MAPK10: variants seen among roughly 807,000 people sequenced by gnomAD.
MAPK10 encodes the protein mitogen-activated protein kinase 10.
In MAPK10, 25 loss-of-function variants were observed where a neutral mutation model predicts 59.3. That is an observed-to-expected ratio of 0.42 (90% confidence interval 0.31 to 0.59). MAPK10 has a LOEUF of 0.59. MAPK10 is among the 20% of genes least tolerant of loss of function. The pLI is 0.15. For synonymous variants in MAPK10, 190 were observed against 200.5 expected (o/e 0.95, Z 0.44); for missense variants, 351 against 568.9 (o/e 0.62, Z 3.90).
chr4:86,285,544 G>C (rs1346407686), intron 2 of MAPK10, among the ~76,000 whole-genome samples: 3 of 152,038 alleles, frequency 2.0e-5, no homozygotes, highest in Non-Finnish European at 4.4e-5. Flanking sequence ...TGTCTTTCTA[G>C]TTCTTTACGT....
intron 4 of MAPK10, among the ~76,000 whole-genome samples, chr4:86,122,900 TTACTATAA>T (rs2059487562): frequency 6.6e-6 from 1 of 152,000 alleles, no homozygotes; most frequent in Admixed American, 6.6e-5. Context: ...TACCTAAGTT[TTACTATAA>T]ATTTGGTGTT....
chr4:86,484,261 T>A (rs1345815244), intron 1 of MAPK10, among the ~76,000 whole-genome samples: 1 of 152,214 alleles, frequency 6.6e-6, no homozygotes, highest in Non-Finnish European at 1.5e-5. Context: ...TTTATATAAT[T>A]CATTCTTATT....
intron 1 of MAPK10, among the ~76,000 whole-genome samples, chr4:86,375,589 C>T (rs1175169459): frequency 6.6e-6 from 1 of 151,560 alleles, no homozygotes; most frequent in East Asian, 1.9e-4. Context: ...GTGGCATGCA[C>T]CTGTGGTCCC....
intron 11 of MAPK10, among the ~76,000 whole-genome samples, chr4:86,045,190 C>T (rs2042269667): frequency 6.6e-6 from 1 of 151,152 alleles, no homozygotes; most frequent in Admixed American, 6.6e-5. Context: ...TATTTATTAG[C>T]TCTACACCAT....
At chr4:86,189,733 G>A (rs982531949) in intron 3 of MAPK10, among the ~76,000 whole-genome samples, 4 of 151,998 alleles carry the variant, frequency 2.6e-5, no homozygotes, top group Middle Eastern at 3.4e-3. Flanking sequence ...ATTTGAATAC[G>A]CTTTATTTCA....
chr4:86,085,271 C>A (rs10023731), intron 9 of MAPK10, among the ~76,000 whole-genome samples: 66,751 of 151,930 alleles, frequency 0.44, 15,313 homozygotes, highest in African/African-American at 0.55. Context: ...CTAAAAACTT[C>A]TGCACAGCAA....
chr4:86,384,329 T>C (rs147918703), intron 1 of MAPK10: 3 of 152,198 alleles, frequency 2.0e-5, no homozygotes, highest in African/African-American at 4.8e-5. Flanking sequence ...AGGGCAAAGA[T>C]AATAGCAAGT....
chr4:86,218,052 T>A (rs2088245818), intron 2 of MAPK10, among the ~76,000 whole-genome samples: 1 of 152,150 alleles, frequency 6.6e-6, no homozygotes, highest in African/African-American at 2.4e-5. Flanking sequence ...CAATGAATAA[T>A]TCTATAAATA....
intron 2 of MAPK10, among the ~76,000 whole-genome samples, chr4:86,230,457 A>T (rs1032357380): frequency 3.9e-5 from 6 of 152,230 alleles, no homozygotes; most frequent in African/African-American, 7.2e-5. Flanking sequence ...TAAAAATTTT[A>T]AAAATAGACT....
intron 1 of MAPK10, among the ~76,000 whole-genome samples, chr4:86,414,077 A>G (rs764131111): frequency 7.1e-6 from 1 of 139,934 alleles, no homozygotes; most frequent in Non-Finnish European, 1.6e-5. Flanking sequence ...TTATTTTCAA[A>G]TAATCCCTTT....
At chr4:86,374,489 A>G (rs1739460614) in intron 1 of MAPK10, among the ~76,000 whole-genome samples, 1 of 152,170 alleles carries the variant, frequency 6.6e-6, no homozygotes, top group African/African-American at 2.4e-5. Flanking sequence ...TCACTGTCCA[A>G]TCATTATTGT....
intron 7 of MAPK10, 138 bp from the exon 8 acceptor site, chr4:86,101,355 G>T (rs1035582243): frequency 5.5e-6 from 3 of 543,442 alleles, no homozygotes; most frequent in African/African-American, 1.9e-5. Flanking sequence ...TAAGGCAAAT[G>T]ATTACTGCTA....
intron 3 of MAPK10, among the ~76,000 whole-genome samples, chr4:86,167,565 T>C (rs750509170): frequency 6.6e-6 from 1 of 152,184 alleles, no homozygotes; most frequent in Non-Finnish European, 1.5e-5. Flanking sequence ...TGGTTCAACA[T>C]ATGCAATCAA....
chr4:86,165,534 TC>T (rs1381091599), intron 3 of MAPK10, among the ~76,000 whole-genome samples: 1 of 118,904 alleles, frequency 8.4e-6, no homozygotes, highest in Admixed American at 1.0e-4. Context: ...ATGCCACCAC[TC>T]CCAGATAATT....
intron 1 of MAPK10, among the ~76,000 whole-genome samples, chr4:86,493,004 A>C (rs1564945070): frequency 6.6e-6 from 1 of 152,238 alleles, no homozygotes; most frequent in Non-Finnish European, 1.5e-5. Context: ...CTAACTTAGT[A>C]GTATGCACCT....
chr4:86,186,396 A>G (rs17415651), intron 3 of MAPK10, among the ~76,000 whole-genome samples: 3,144 of 152,248 alleles, frequency 0.021, 60 homozygotes, highest in South Asian at 0.031. Context: ...AATCTTATTC[A>G]TTGCAGGCAA....
chr4:86,208,335 A>C (rs557570376), intron 2 of MAPK10, among the ~76,000 whole-genome samples: 2,809 of 144,060 alleles, frequency 0.019, 40 homozygotes, highest in African/African-American at 0.033. Flanking sequence ...ATGCAAAAAT[A>C]CTCAATAAAA....
chr4:86,540,350 A>G (rs913353611), intron 1 of MAPK10, among the ~76,000 whole-genome samples: 2 of 151,886 alleles, frequency 1.3e-5, no homozygotes, highest in African/African-American at 4.8e-5. Context: ...AATACAACAA[A>G]TTAGCCGGGT....
intron 9 of MAPK10, among the ~76,000 whole-genome samples, chr4:86,076,051 G>C (rs1055706786): frequency 6.6e-6 from 1 of 152,068 alleles, no homozygotes; most frequent in Admixed American, 6.5e-5. Flanking sequence ...GCGAGATTCC[G>C]TGGGCGTAGG....
Sources: allele counts gnomAD v4.1 joint callset (sites outside exome capture counted in the v4.1 genomes callset), GRCh38; gene constraint gnomAD v4.1.1; transcripts MANE v1.5; gene names NCBI Gene and HGNC (gene_info 2026-07-23, HGNC 2026-07-21).